The following FXYD6 variants were observed in gnomAD, a reference collection of about 807,000 sequenced individuals.
FXYD6 encodes the protein FXYD domain containing ion transport regulator 6.
In FXYD6, 7 loss-of-function variants were observed where a neutral mutation model predicts 16.7. That is an observed-to-expected ratio of 0.42 (90% CI 0.24 to 0.79). The LOEUF (loss-of-function observed/expected upper bound fraction) is 0.79. Ranked by LOEUF, FXYD6 falls within the 30% of genes least tolerant of loss-of-function variation. The probability of loss-of-function intolerance (pLI) is 0.28; values close to 1 mark genes in which losing one functional copy is unlikely to be tolerated. For synonymous variants in FXYD6, 49 were observed against 43.0 expected (o/e 1.14, Z -0.54); for missense variants, 111 against 116.2 (o/e 0.95, Z 0.21).
rs2057157871 is a variant in FXYD6, at chr11:117,872,369, G to T, written c.-6+4223C>A. 6.6e-6 allele frequency among the ~76,000 whole-genome samples: 1 copy of T among 152,202 alleles called. No homozygotes were observed. Among genetic ancestry groups the T allele is most frequent in the Admixed American group, 6.5e-5 (1 of 15,280 alleles). ...GGGCCTCCTGGTAGGATGTGGACAT[G>T]AGGTGGACAGTAGGGGAGAGGAAGG... On this transcript the variant is annotated intron_variant, in intron 1 of 7. Transcript: ENST00000526014. The surrounding 1 kb of genome is among the most constrained non-coding windows in gnomAD (Gnocchi z 4.9).
At chr11:117,856,658 T>C (rs1185081054) in intron 1 of FXYD6, among the ~76,000 whole-genome samples, 1 of 152,214 alleles carries the variant, frequency 6.6e-6, no homozygotes, top group South Asian at 2.1e-4. Flanking sequence ...ATTTAGCCTA[T>C]GACGTATCTA....
chr11:117,845,304 C>G (rs1010814891), intron 1 of FXYD6, among the ~76,000 whole-genome samples: 1 of 152,164 alleles, frequency 6.6e-6, no homozygotes, highest in Non-Finnish European at 1.5e-5. Flanking sequence ...GTTCATCTAC[C>G]TTGTAGCATG....
At chr11:117,856,632 T>C (rs565508853) in intron 1 of FXYD6, among the ~76,000 whole-genome samples, 1 of 152,290 alleles carries the variant, frequency 6.6e-6, no homozygotes, top group South Asian at 2.1e-4. Flanking sequence ...ACTATTATTA[T>C]ATGCAAAGGG....
intron 1 of FXYD6, among the ~76,000 whole-genome samples, chr11:117,857,410 ATTTTT>A (rs66790457): frequency 7.2e-6 from 1 of 138,434 alleles, no homozygotes; most frequent in Non-Finnish European, 1.5e-5. Flanking sequence ...AAAGAAGTGG[ATTTTT>A]TTTTTTTTTT....
intron 1 of FXYD6, among the ~76,000 whole-genome samples, chr11:117,874,887 G>T (rs551919946): frequency 6.6e-6 from 1 of 152,306 alleles, no homozygotes; most frequent in African/African-American, 2.4e-5. Flanking sequence ...TCCCTTCCAG[G>T]TTTAGGGAAG....
intron 1 of FXYD6, among the ~76,000 whole-genome samples, chr11:117,866,601 C>G (rs535477330): frequency 6.6e-6 from 1 of 152,298 alleles, no homozygotes; most frequent in East Asian, 1.9e-4. Flanking sequence ...TACCCATTGT[C>G]AGATCCCAGC....
intron 1 of FXYD6, among the ~76,000 whole-genome samples, chr11:117,849,561 C>A (rs1470166820): frequency 6.6e-6 from 1 of 150,942 alleles, no homozygotes. Context: ...ACTGTTTATC[C>A]TACCAAAAAT....
At chr11:117,851,460 G>A (rs1010709370) in intron 1 of FXYD6, among the ~76,000 whole-genome samples, 21 of 152,262 alleles carry the variant, frequency 1.4e-4, no homozygotes, top group Admixed American at 4.6e-4. Context: ...CAGATCTTCC[G>A]GCTTCATGAA....
intron 1 of FXYD6, among the ~76,000 whole-genome samples, chr11:117,845,403 C>T (rs973681747): frequency 1.1e-4 from 17 of 152,174 alleles, no homozygotes; most frequent in East Asian, 7.7e-4. Context: ...ATATTTAACA[C>T]GTACATATAT....
chr11:117,874,317 C>T (rs1400196663), intron 1 of FXYD6, among the ~76,000 whole-genome samples: 1 of 152,230 alleles, frequency 6.6e-6, no homozygotes, highest in African/African-American at 2.4e-5. Context: ...ACGCTTCCCC[C>T]AGGCGCCTAC....
chr11:117,857,085 T>A (rs2056746960), intron 1 of FXYD6, among the ~76,000 whole-genome samples: 1 of 152,000 alleles, frequency 6.6e-6, no homozygotes, highest in African/African-American at 2.4e-5. Context: ...GCCAGGGACA[T>A]GAGAGGGCAG....
rs1256132050 is a variant in FXYD6, at chr11:117,872,572, G to A, written c.-6+4020C>T. Among the ~76,000 whole-genome samples the A allele has an allele frequency of 2.0e-5, 3 of 152,160 alleles. No homozygotes were observed. Among genetic ancestry groups the A allele is most frequent in the East Asian group, 3.9e-4 (2 of 5,192 alleles). Reference sequence around the variant, plus strand: ...GGGCCTGGCTTTGTCCTCCAGCTGCGTGGGGGTCACTGTTATTCTAACTAC... The same window carrying A: ...GGGCCTGGCTTTGTCCTCCAGCTGCATGGGGGTCACTGTTATTCTAACTAC... On this transcript the variant is annotated intron_variant, in intron 1 of 7. Transcript: ENST00000526014. The surrounding 1 kb of genome is among the most constrained non-coding windows in gnomAD (Gnocchi z 4.9).
At chr11:117,858,685 TTCTTTCTTTCTTTCTTTCTCTC>T (rs1393889209) in intron 1 of FXYD6, among the ~76,000 whole-genome samples, 63 of 86,994 alleles carry the variant, frequency 7.2e-4, no homozygotes, top group African/African-American at 3.0e-3. Context: ...CTTTCTTTCT[TTCTTTCTTTCTTTCTTTCTCTC>T]TCTCTCTCCT....
chr11:117,839,718 T>TG (rs2056292114), intron 7 of FXYD6, 63 bp downstream of exon 7: 6 of 1,596,630 alleles, frequency 3.8e-6, no homozygotes, highest in Non-Finnish European at 5.2e-6. Flanking sequence ...CCTGAACCCC[T>TG]GTCCAGGCCC....
intron 1 of FXYD6, among the ~76,000 whole-genome samples, chr11:117,867,922 T>C (rs1431906109): frequency 6.6e-6 from 1 of 152,144 alleles, no homozygotes; most frequent in Non-Finnish European, 1.5e-5. Flanking sequence ...CCGGGCAGTG[T>C]AGCCAAGGGC....
intron 1 of FXYD6, among the ~76,000 whole-genome samples, chr11:117,861,814 C>T (rs1189370640): frequency 6.6e-6 from 1 of 152,212 alleles, no homozygotes; most frequent in African/African-American, 2.4e-5. Flanking sequence ...GGAGGGTCCT[C>T]GTGAGGTCAC....
chr11:117,858,468 C>T (rs1012427320), intron 1 of FXYD6, among the ~76,000 whole-genome samples: 1 of 152,062 alleles, frequency 6.6e-6, no homozygotes, highest in African/African-American at 2.4e-5. Context: ...ATGTAACCAC[C>T]AGCTTGGAAA....
At chr11:117,875,236 T>G (rs55861399) in intron 1 of FXYD6, among the ~76,000 whole-genome samples, 44 of 151,852 alleles carry the variant, frequency 2.9e-4, no homozygotes, top group Non-Finnish European at 5.6e-4. Flanking sequence ...TATGTATGTG[T>G]GGTGTGAGTG....
chr11:117,842,958 G>C (rs867671945), intron 1 of FXYD6, among the ~76,000 whole-genome samples, 177 bp from the exon 2 acceptor site: 10 of 151,268 alleles, frequency 6.6e-5, no homozygotes, highest in African/African-American at 2.4e-4. Context: ...TTTTGAGACA[G>C]AGTCTCGCTA....
Sources: gnomAD v4.1 joint callset for allele counts (sites outside exome capture counted in the v4.1 genomes callset) on GRCh38, gnomAD v4.1.1 for gene constraint, Gnocchi (gnomAD v3.1) non-coding constraint, MANE v1.5 for transcripts, NCBI Gene and HGNC (gene_info 2026-07-23, HGNC 2026-07-21) for gene names.